CMIP: variants seen among roughly 807,000 people sequenced by gnomAD.
CMIP encodes the protein c-Maf inducing protein.
A neutral mutation model predicts 97.3 loss-of-function variants in CMIP; 13 were observed. That is an observed-to-expected ratio of 0.13 (90% confidence interval 0.09 to 0.21). The LOEUF (loss-of-function observed/expected upper bound fraction) is 0.21. Among genes scored for constraint, CMIP ranks in the 10% least tolerant of loss-of-function variants. The pLI, the probability that CMIP is intolerant of heterozygous loss-of-function variation, is 1.00. For missense variants in CMIP, 847 were observed against 1,024.9 expected, an observed-to-expected ratio of 0.83 and a Z score of 2.37; for synonymous variants, 538 against 436.3, an observed-to-expected ratio of 1.23 and a Z score of -2.91.
intron 1 of CMIP, among the ~76,000 whole-genome samples, chr16:81,456,326 C>T (rs773871442): frequency 3.3e-5 from 5 of 152,326 alleles, no homozygotes; most frequent in African/African-American, 9.6e-5. Flanking sequence ...CCCCGTGAGG[C>T]GTTAGCAGGG....
At chr16:81,595,810 A>G (rs1043920712) in intron 1 of CMIP, among the ~76,000 whole-genome samples, 5 of 152,158 alleles carry the variant, frequency 3.3e-5, no homozygotes, top group East Asian at 3.9e-4. Context: ...TACTGTTTCC[A>G]TGTTTTGGTT....
Position 81,699,880 on chromosome 16 carries a change from G to A in CMIP, c.1755+79G>A, listed in dbSNP as rs888803004. The A allele has an allele frequency of 1.7e-5, 17 of 981,306 alleles. No individual in the cohort carries two copies. The East Asian group carries it at 3.5e-4, about 20-fold the overall frequency. 60.8% of individuals were successfully genotyped at this position (981,306 alleles called of 1,614,324 possible). A position where few individuals can be genotyped will look rare whatever the true frequency, so the allele number is the denominator to read the frequency against. ...CGTGCCGATAGAGCATCTGCTGGGA[G>A]CCAGGAGCTGCTGCAGGCACGGGGG... is the stretch of plus-strand genomic sequence containing the variant. On this transcript the variant is annotated intron_variant, in intron 15 of 20. Transcript: ENST00000537098.
At chr16:81,527,698 C>T (rs1013279751) in intron 1 of CMIP, among the ~76,000 whole-genome samples, 3 of 152,274 alleles carry the variant, frequency 2.0e-5, no homozygotes, top group Admixed American at 6.5e-5. Flanking sequence ...CAAATCAATG[C>T]GTGTTCTTTT....
intron 2 of CMIP, chr16:81,617,114 C>T (rs2150956193): frequency 6.6e-6 from 1 of 152,422 alleles, no homozygotes; most frequent in Non-Finnish European, 1.5e-5. Flanking sequence ...ATGCTGGTTC[C>T]TTCTGTAAAA....
chr16:81,471,108 T>C (rs1009130883), intron 1 of CMIP, among the ~76,000 whole-genome samples: 1 of 152,198 alleles, frequency 6.6e-6, no homozygotes, highest in African/African-American at 2.4e-5. Flanking sequence ...TAAATGCATG[T>C]AGACATACTT....
At chr16:81,568,720 C>T (rs1386377967) in intron 1 of CMIP, among the ~76,000 whole-genome samples, 1 of 152,170 alleles carries the variant, frequency 6.6e-6, no homozygotes, top group African/African-American at 2.4e-5. Context: ...ACAGAAACCA[C>T]AAAGGCAAGG....
intron 14 of CMIP, chr16:81,697,776 C>G (rs1906911070): frequency 6.6e-6 from 1 of 152,266 alleles, no homozygotes; most frequent in African/African-American, 2.4e-5. Flanking sequence ...AATTGAGGCG[C>G]TGCCCCTGGG....
chr16:81,664,005 T>C (rs567700655), intron 6 of CMIP, among the ~76,000 whole-genome samples: 40 of 152,240 alleles, frequency 2.6e-4, no homozygotes, highest in South Asian at 8.3e-4. Context: ...AAAAGGAGCA[T>C]GTGCAGTGAT....
intron 1 of CMIP, among the ~76,000 whole-genome samples, chr16:81,465,759 C>T (rs1027175416): frequency 6.6e-6 from 1 of 152,198 alleles, no homozygotes; most frequent in African/African-American, 2.4e-5. Flanking sequence ...TTGCTGTCAC[C>T]TGTGGGAAAG....
chr16:81,582,340 A>C (rs1362374846), intron 1 of CMIP, among the ~76,000 whole-genome samples: 1 of 152,124 alleles, frequency 6.6e-6, no homozygotes, highest in Non-Finnish European at 1.5e-5. Context: ...GGGTGTCCCC[A>C]GTCTCCTTGA....
In CMIP at chr16:81,451,457, C is replaced by T. The variant is rs1023905434; in HGVS notation, c.300+5916C>T. Among the ~76,000 whole-genome samples the T allele has an allele frequency of 9.2e-5, 14 of 152,210 alleles. No individual in the cohort carries two copies. In the South Asian group the frequency reaches 1.2e-3, roughly 13 times the overall value. On this transcript the variant is annotated intron_variant, in intron 1 of 20. Transcript: ENST00000537098. ...TATGTCTTTATCAGCAGCGTGGGAA[C>T]GGACTAATACACTCTTGTTCCTTGA...
Position 81,699,729 on chromosome 16 carries a change from G to C in CMIP, c.1683G>C (p.Leu561=). ...CCTGTTACAAGACCAAAAAATTCCT[G>C]CTCTCCCTGGCAGAAAACAAGCTGG... ...MGSCYKTKKF[L]LSLAENKLGP... The change falls in exon 15 of 21, where the codon CTG becomes CTC. Residue 561 remains leucine, a synonymous_variant. Transcript: ENST00000537098. The C allele has an allele frequency of 6.2e-7, 1 of 1,613,732 alleles. No individual in the cohort carries two copies. The highest frequency in any genetic ancestry group is 8.5e-7 in the Non-Finnish European group (1 of 1,179,770).
chr16:81,465,993 A>C (rs1004914236), intron 1 of CMIP, among the ~76,000 whole-genome samples: 2 of 152,254 alleles, frequency 1.3e-5, no homozygotes, highest in African/African-American at 4.8e-5. Context: ...GATGATGAAA[A>C]ATACATCCTT....
In CMIP at chr16:81,598,449, G is replaced by C. The variant is rs1436735216; in HGVS notation, c.301-9118G>C. Among the ~76,000 whole-genome samples the C allele has an allele frequency of 2.6e-5, 4 of 152,202 alleles. No individual in the cohort carries two copies. In the South Asian group the frequency reaches 8.3e-4, roughly 31 times the overall value. On this transcript the variant is annotated intron_variant, in intron 1 of 20. Transcript: ENST00000537098. ...TACAGCATTGGCCAGTGCAGATACG[G>C]AGCGTTTGCATCATCACAGACGATC...
At chr16:81,664,031 G>C (rs1170654014) in intron 6 of CMIP, among the ~76,000 whole-genome samples, 1 of 152,166 alleles carries the variant, frequency 6.6e-6, no homozygotes, top group African/African-American at 2.4e-5. Context: ...GGGAGGCTGT[G>C]CGTGCCGGGG....
chr16:81,579,921 A>G (rs918483530), intron 1 of CMIP, among the ~76,000 whole-genome samples: 2 of 152,196 alleles, frequency 1.3e-5, no homozygotes, highest in African/African-American at 4.8e-5. Flanking sequence ...GCACCACTGC[A>G]CTCCAGCCCG....
intron 13 of CMIP, 53 bp downstream of exon 13, chr16:81,693,540 C>T: frequency 6.4e-7 from 1 of 1,573,316 alleles, no homozygotes; most frequent in Non-Finnish European, 8.6e-7. Flanking sequence ...TGGCAGGATG[C>T]ACGAGGGCCC....
intron 1 of CMIP, among the ~76,000 whole-genome samples, chr16:81,485,258 C>A (rs1003054476): frequency 6.6e-6 from 1 of 152,194 alleles, no homozygotes; most frequent in Non-Finnish European, 1.5e-5. Context: ...CTCCATCCAT[C>A]TCCTTGTGAG....
At chr16:81,479,312 GGACTGTCAGCATGTGA>G (rs1447199770) in intron 1 of CMIP, among the ~76,000 whole-genome samples, 2 of 152,098 alleles carry the variant, frequency 1.3e-5, no homozygotes, top group Non-Finnish European at 2.9e-5. Context: ...ATGTCTTGAG[GGACTGTCAGCATGTGA>G]CCTTTTTTTA....
Sources: allele counts gnomAD v4.1 joint callset (sites outside exome capture counted in the v4.1 genomes callset), GRCh38; gene constraint gnomAD v4.1.1; transcripts MANE v1.5; gene names NCBI Gene and HGNC (gene_info 2026-07-23, HGNC 2026-07-21).